Variants in LIN7A observed in about 807,000 individuals in gnomAD.
LIN7A encodes the protein protein lin-7 homolog A.
In LIN7A, 25 loss-of-function variants were observed where a neutral mutation model predicts 29.8. The observed-to-expected ratio is 0.84, with a 90% CI of 0.61 to 1.17. LIN7A has a LOEUF of 1.17. Among genes scored for constraint, LIN7A ranks in the 50% most tolerant of loss-of-function variants. The pLI, the probability that LIN7A is intolerant of heterozygous loss-of-function variation, is 0.00. For synonymous variants in LIN7A, 118 were observed against 107.5 expected, an observed-to-expected ratio of 1.10 and a Z score of -0.60; for missense variants, 239 against 287.0, an observed-to-expected ratio of 0.83 and a Z score of 1.21.
chr12:80,927,230 C>A (rs943023963), intron 1 of LIN7A, among the ~76,000 whole-genome samples: 2 of 127,770 alleles, frequency 1.6e-5, no homozygotes, highest in African/African-American at 6.0e-5. Flanking sequence ...GGCGTGATCT[C>A]GGCTCATTGC....
Position 80,937,924 on chromosome 12 carries a change from C to T in LIN7A, c.-202G>A. On this transcript the variant is annotated 5_prime_UTR_variant, in exon 1 of 6. Transcript: ENST00000552864. ...TGCGGTGCGGAGCTGAGCAGGTATC[C>T]GAGAGCGACTGCATCGCCGGGCTCT... 2.3e-6 allele frequency: 1 copy of T among 429,392 alleles called. No homozygotes were observed. The allele number at this position is 429,392 out of a possible 1,614,324, so 26.6% of individuals were successfully genotyped here. A position where few individuals can be genotyped will look rare whatever the true frequency, so the allele number is the denominator to read the frequency against.
At chr12:80,846,682 A>G (rs1873092785) in intron 3 of LIN7A, among the ~76,000 whole-genome samples, 1 of 152,200 alleles carries the variant, frequency 6.6e-6, no homozygotes, top group South Asian at 2.1e-4. Context: ...AATAGGCAAT[A>G]TGAAGTCAAT....
At chr12:80,885,535 C>A (rs1243916546) in intron 2 of LIN7A, among the ~76,000 whole-genome samples, 2 of 152,036 alleles carry the variant, frequency 1.3e-5, no homozygotes, top group Non-Finnish European at 2.9e-5. Context: ...AGAGATCCTT[C>A]AGCAATAAAA....
At chr12:80,842,535 AT>A (rs1352003063) in intron 4 of LIN7A, among the ~76,000 whole-genome samples, 2 of 152,132 alleles carry the variant, frequency 1.3e-5, no homozygotes, top group Non-Finnish European at 2.9e-5. Context: ...AATCTTCCAT[AT>A]TTAATCTCCT....
At chr12:80,873,707 C>A (rs1033838996) in intron 2 of LIN7A, among the ~76,000 whole-genome samples, 1 of 152,026 alleles carries the variant, frequency 6.6e-6, no homozygotes, top group Admixed American at 6.6e-5. Flanking sequence ...TGGTCACTGG[C>A]CCATGTTTCC....
intron 1 of LIN7A, among the ~76,000 whole-genome samples, chr12:80,936,122 T>C (rs1878203917): frequency 6.6e-6 from 1 of 152,182 alleles, no homozygotes; most frequent in Non-Finnish European, 1.5e-5. Context: ...TTGCCATCTG[T>C]TTGGTTCTTA....
In LIN7A at chr12:80,795,892, C is replaced by T. The variant is rs1175770202; in HGVS notation, c.*1835G>A. Reference sequence around the variant, plus strand: ...ACATAACATACAGGGTCCTAACTGCCCCCACCTCACCACCCCCGTTCTCTC... The same window carrying T: ...ACATAACATACAGGGTCCTAACTGCTCCCACCTCACCACCCCCGTTCTCTC... On this transcript the variant is annotated 3_prime_UTR_variant, in exon 6 of 6. Coordinates refer to ENST00000552864, the MANE Select transcript of LIN7A (RefSeq NM_004664.4). 6.6e-6 allele frequency: 1 copy of T among 152,190 alleles called. No homozygotes were observed. Among genetic ancestry groups the T allele is most frequent in the African/African-American group, 2.4e-5 (1 of 41,368 alleles). 9.4% of individuals were successfully genotyped at this position (152,190 alleles called of 1,614,324 possible).
intron 2 of LIN7A, among the ~76,000 whole-genome samples, chr12:80,864,307 T>C (rs1344177920): frequency 6.6e-6 from 1 of 151,988 alleles, no homozygotes; most frequent in Non-Finnish European, 1.5e-5. Flanking sequence ...TTTGTTAAAG[T>C]TGTTTCCATA....
At chr12:80,881,683 C>A (rs1233632323) in intron 2 of LIN7A, among the ~76,000 whole-genome samples, 1 of 151,836 alleles carries the variant, frequency 6.6e-6, no homozygotes, top group Non-Finnish European at 1.5e-5. Context: ...TCTTACTTAA[C>A]CTACAACATA....
intron 1 of LIN7A, among the ~76,000 whole-genome samples, chr12:80,918,617 T>C (rs1877139200): frequency 6.6e-6 from 1 of 152,198 alleles, no homozygotes; most frequent in African/African-American, 2.4e-5. Context: ...TTGGAGATTC[T>C]ACTCCCTCAT....
At chr12:80,920,961 G>A (rs11615643) in intron 1 of LIN7A, among the ~76,000 whole-genome samples, 7,752 of 152,252 alleles carry the variant, frequency 0.051, 256 homozygotes, top group Middle Eastern at 0.092. Context: ...TAAGACAGAG[G>A]ATTGCTGAGG....
chr12:80,863,410 G>A (rs1019116364), intron 2 of LIN7A, among the ~76,000 whole-genome samples: 7 of 152,154 alleles, frequency 4.6e-5, no homozygotes, highest in Admixed American at 1.3e-4. Context: ...TCAATGTGTC[G>A]GCTTAAAGAA....
chr12:80,937,769 G>A lies in LIN7A; in HGVS notation c.-47C>T. ...AAAAAAGGAGGAGATTGGGGGCGGG[G>A]GTGGAGAGGGAAGACGGAAAGGAGG... On this transcript the variant is annotated 5_prime_UTR_variant, in exon 1 of 6. Coordinates refer to ENST00000552864, the MANE Select transcript of LIN7A (RefSeq NM_004664.4). 1 of 1,190,410 alleles carries A rather than the reference G, an allele frequency of 8.4e-7. No individual in the cohort carries two copies. The highest frequency in any genetic ancestry group is 1.1e-6 in the Non-Finnish European group (1 of 877,980). The allele number at this position is 1,190,410 out of a possible 1,614,324, so 73.7% of individuals were successfully genotyped here. A position where few individuals can be genotyped will look rare whatever the true frequency, so the allele number is the denominator to read the frequency against.
At chr12:80,877,232 T>C (rs1874757118) in intron 2 of LIN7A, among the ~76,000 whole-genome samples, 2 of 152,148 alleles carry the variant, frequency 1.3e-5, no homozygotes, top group African/African-American at 4.8e-5. Context: ...CACATGTATG[T>C]TAATAGTAGT....
At chr12:80,869,118 T>C (rs1201624611) in intron 2 of LIN7A, among the ~76,000 whole-genome samples, 1 of 150,020 alleles carries the variant, frequency 6.7e-6, no homozygotes, top group African/African-American at 2.5e-5. Context: ...TGTAGCACTT[T>C]AAACTAAAGT....
intron 2 of LIN7A, among the ~76,000 whole-genome samples, chr12:80,850,841 C>A (rs565737510): frequency 2.6e-5 from 4 of 152,052 alleles, no homozygotes; most frequent in African/African-American, 9.7e-5. Flanking sequence ...GAGTAAATTA[C>A]CATAATTCTG....
intron 1 of LIN7A, among the ~76,000 whole-genome samples, chr12:80,922,540 A>C (rs1034116676): frequency 6.6e-6 from 1 of 152,176 alleles, no homozygotes; most frequent in Non-Finnish European, 1.5e-5. Context: ...CACAGTCATG[A>C]TCTCTTGGTT....
At chr12:80,840,364 G>T (rs1295992791) in intron 4 of LIN7A, among the ~76,000 whole-genome samples, 1 of 152,212 alleles carries the variant, frequency 6.6e-6, no homozygotes, top group South Asian at 2.1e-4. Flanking sequence ...CATCAGTTAT[G>T]ATTGCAGTAA....
intron 1 of LIN7A, among the ~76,000 whole-genome samples, chr12:80,932,524 A>G (rs1485215536): frequency 6.6e-6 from 1 of 152,260 alleles, no homozygotes; most frequent in Non-Finnish European, 1.5e-5. Context: ...TTATGTAAGC[A>G]TTTAAATGCA....
Sources: gnomAD v4.1 joint callset for allele counts (sites outside exome capture counted in the v4.1 genomes callset) on GRCh38, gnomAD v4.1.1 for gene constraint, MANE v1.5 for transcripts, NCBI Gene and HGNC (gene_info 2026-07-23, HGNC 2026-07-21) for gene names.